Variants in TCF4 observed in about 807,000 individuals in gnomAD.
TCF4 encodes SL3-3 enhancer factor 2.
Under a neutral mutation model 82.1 loss-of-function variants are expected in TCF4, and 3 were observed. The observed-to-expected ratio is 0.04, with a 90% CI of 0.02 to 0.09. The LOEUF (loss-of-function observed/expected upper bound fraction) is 0.09, where lower values mean the gene tolerates loss of function less well. Ranked by LOEUF, TCF4 falls within the 10% of genes least tolerant of loss-of-function variation. TCF4 has a pLI of 1.00. For synonymous variants in TCF4, 276 were observed against 309.6 expected (o/e 0.89, Z 1.14); for missense variants, 518 against 852.7 (o/e 0.61, Z 4.89).
chr18:55,271,192 C>T (rs113619928), intron 10 of TCF4, among the ~76,000 whole-genome samples: 4,680 of 152,126 alleles, frequency 0.031, 266 homozygotes, highest in African/African-American at 0.11. Flanking sequence ...AACTCTTCCA[C>T]CATCTCTTCT....
intron 3 of TCF4, among the ~76,000 whole-genome samples, chr18:55,582,946 T>A (rs2147806316): frequency 6.6e-6 from 1 of 152,288 alleles, no homozygotes; most frequent in East Asian, 1.9e-4. Flanking sequence ...AATGCAGTAT[T>A]CATGATTTTT....
At chr18:55,348,289 TC>T (rs2081610601) in intron 8 of TCF4, among the ~76,000 whole-genome samples, 1 of 152,166 alleles carries the variant, frequency 6.6e-6, no homozygotes, top group African/African-American at 2.4e-5. Flanking sequence ...TTCTTCTTGC[TC>T]AAAAAATTGC....
At chr18:55,496,839 T>C (rs985918858) in intron 3 of TCF4, among the ~76,000 whole-genome samples, 2 of 147,010 alleles carry the variant, frequency 1.4e-5, no homozygotes, top group Admixed American at 1.4e-4. Flanking sequence ...AACACAGCAG[T>C]CTACAATGGA....
At chr18:55,581,221 C>T (rs377673173) in intron 3 of TCF4, among the ~76,000 whole-genome samples, 1 of 151,880 alleles carries the variant, frequency 6.6e-6, no homozygotes, top group Non-Finnish European at 1.5e-5. Flanking sequence ...AGCAGTGAGA[C>T]CAAGGTTATT....
At chr18:55,564,263 G>A (rs538916797) in intron 3 of TCF4, among the ~76,000 whole-genome samples, 21 of 152,348 alleles carry the variant, frequency 1.4e-4, no homozygotes, top group Middle Eastern at 6.8e-3. Flanking sequence ...AAATGAGGTT[G>A]TAGAGGTACC....
chr18:55,543,876 G>C (rs1026269513), intron 3 of TCF4, among the ~76,000 whole-genome samples: 2 of 151,950 alleles, frequency 1.3e-5, no homozygotes, highest in African/African-American at 4.8e-5. Context: ...CATGGCATTC[G>C]GCAAAATTAA....
chr18:55,440,906 T>C (rs771227507), intron 5 of TCF4, among the ~76,000 whole-genome samples: 4 of 152,234 alleles, frequency 2.6e-5, no homozygotes, highest in Admixed American at 2.0e-4. Flanking sequence ...TGAATACGCA[T>C]GCCTGTTTCC....
chr18:55,300,099 T>TACACAC (rs372975426), intron 8 of TCF4, among the ~76,000 whole-genome samples: 24 of 147,944 alleles, frequency 1.6e-4, no homozygotes, highest in Non-Finnish European at 2.2e-4. Context: ...CATACAGATA[T>TACACAC]ACACACACAC....
At chr18:55,316,604 A>G (rs1002307123) in intron 8 of TCF4, among the ~76,000 whole-genome samples, 1 of 152,140 alleles carries the variant, frequency 6.6e-6, no homozygotes, top group African/African-American at 2.4e-5. Flanking sequence ...TGGTACTACA[A>G]TTTAGTAGAA....
chr18:55,508,045 G>A (rs930134689), intron 3 of TCF4, among the ~76,000 whole-genome samples: 10 of 152,058 alleles, frequency 6.6e-5, no homozygotes, highest in Admixed American at 3.9e-4. Context: ...GAACCAGTGC[G>A]GGACAGGGAG....
intron 8 of TCF4, among the ~76,000 whole-genome samples, chr18:55,340,607 A>G (rs1032767444): frequency 1.8e-4 from 27 of 150,902 alleles, no homozygotes; most frequent in African/African-American, 6.3e-4. Flanking sequence ...AAAAAAAGCA[A>G]TATTACATAA....
At chr18:55,584,365 C>G (rs1293579340) in intron 3 of TCF4, among the ~76,000 whole-genome samples, 4 of 152,064 alleles carry the variant, frequency 2.6e-5, no homozygotes, top group Admixed American at 6.6e-5. Context: ...ATTGCCAGAA[C>G]TCCTAAAATA....
intron 2 of TCF4, among the ~76,000 whole-genome samples, chr18:55,616,766 C>T (rs2097712567): frequency 2.0e-5 from 3 of 152,104 alleles, no homozygotes; most frequent in Admixed American, 2.0e-4. Context: ...AATGTCCATC[C>T]AGTCTTTTGC....
chr18:55,635,508 CAA>C (rs1277113038), intron 1 of TCF4, among the ~76,000 whole-genome samples: 18 of 111,840 alleles, frequency 1.6e-4, no homozygotes, highest in Admixed American at 1.9e-4. Flanking sequence ...GGCCCTGTCT[CAA>C]AAAAAAAAAA....
At chr18:55,629,808 T>C (rs557901970) in intron 2 of TCF4, among the ~76,000 whole-genome samples, 11 of 152,298 alleles carry the variant, frequency 7.2e-5, no homozygotes, top group African/African-American at 2.2e-4. Flanking sequence ...CCATGCACAA[T>C]TGAAATGTAA....
chr18:55,283,978 T>C (rs1028333317), intron 8 of TCF4, among the ~76,000 whole-genome samples: 1 of 152,148 alleles, frequency 6.6e-6, no homozygotes. Flanking sequence ...AAGTCTATGT[T>C]CTTTCCATTA....
intron 3 of TCF4, among the ~76,000 whole-genome samples, chr18:55,556,135 A>T (rs530814343): frequency 6.6e-6 from 1 of 151,818 alleles, no homozygotes; most frequent in South Asian, 2.1e-4. Flanking sequence ...GTGAGCTTAT[A>T]TACCTTTATC....
chr18:55,437,850 T>C (rs2095361241), intron 5 of TCF4, among the ~76,000 whole-genome samples: 1 of 152,216 alleles, frequency 6.6e-6, no homozygotes, highest in Non-Finnish European at 1.5e-5. Flanking sequence ...ACTCATCAGA[T>C]ATATGTCAGA....
At chr18:55,233,111 C>G (rs928836327) in intron 16 of TCF4, among the ~76,000 whole-genome samples, 1 of 152,132 alleles carries the variant, frequency 6.6e-6, no homozygotes, top group African/African-American at 2.4e-5. Context: ...AATAGGTACC[C>G]TAATGATATT....
Sources: gnomAD v4.1 joint callset for allele counts (sites outside exome capture counted in the v4.1 genomes callset) on GRCh38, gnomAD v4.1.1 for gene constraint, MANE v1.5 for transcripts, NCBI Gene and HGNC (gene_info 2026-07-23, HGNC 2026-07-21) for gene names.